The following CDH18 variants were observed in gnomAD, a reference collection of about 807,000 sequenced individuals.
CDH18 encodes cadherin 18.
Under a neutral mutation model 67.9 loss-of-function variants are expected in CDH18, and 31 were observed. The observed-to-expected ratio is 0.46, with a 90% CI of 0.34 to 0.62. The LOEUF (loss-of-function observed/expected upper bound fraction) is 0.62, where lower values mean the gene tolerates loss of function less well. Among genes scored for constraint, CDH18 ranks in the 20% least tolerant of loss-of-function variants. The pLI is 0.01. For synonymous variants in CDH18, 362 were observed against 347.2 expected (o/e 1.04, Z -0.48); for missense variants, 890 against 975.5 (o/e 0.91, Z 1.17).
chr5:20,305,305 A>T, intron 1 of CDH18: 6 of 1,553,548 alleles, frequency 3.9e-6, no homozygotes, highest in South Asian at 1.1e-5. Context: ...GTCAGATTCG[A>T]ATCCAACATT....
intron 4 of CDH18, among the ~76,000 whole-genome samples, chr5:19,724,114 G>C (rs551525892): frequency 9.2e-5 from 14 of 152,246 alleles, no homozygotes; most frequent in Admixed American, 3.3e-4. Context: ...AAACCATCCT[G>C]ATGTCCTTCA....
chr5:19,965,577 G>T (rs1048473651), intron 2 of CDH18, among the ~76,000 whole-genome samples: 1 of 152,260 alleles, frequency 6.6e-6, no homozygotes, highest in East Asian at 1.9e-4. Context: ...TATTAAAGTT[G>T]AATCAGTGTG....
At chr5:19,690,058 GT>G (rs1329056469) in intron 5 of CDH18, among the ~76,000 whole-genome samples, 1 of 148,448 alleles carries the variant, frequency 6.7e-6, no homozygotes, top group African/African-American at 2.4e-5. Flanking sequence ...ATATATATGT[GT>G]GTATATATTA....
intron 5 of CDH18, among the ~76,000 whole-genome samples, chr5:19,650,386 T>C (rs1302651620): frequency 6.6e-6 from 1 of 152,110 alleles, no homozygotes; most frequent in Admixed American, 6.6e-5. Context: ...CTAATAATTT[T>C]GGTCAAAACA....
chr5:19,952,068 A>G (rs1401476973), intron 2 of CDH18, among the ~76,000 whole-genome samples: 1 of 152,074 alleles, frequency 6.6e-6, no homozygotes, highest in African/African-American at 2.4e-5. Context: ...TTTATTTTTA[A>G]GACAGAGTCT....
chr5:19,609,772 G>A (rs1389865642), intron 6 of CDH18, among the ~76,000 whole-genome samples: 1 of 151,976 alleles, frequency 6.6e-6, no homozygotes, highest in Admixed American at 6.6e-5. Flanking sequence ...AAGTAGAAAG[G>A]GCAACTGTAA....
At position 20,499,691 on chromosome 5, in the gene CDH18, G is replaced by C. The variant is rs142840401; in HGVS notation, c.-580+75771C>G. On this transcript the variant is annotated intron_variant, in intron 1 of 14. Transcript: ENST00000507958. ...TAAACTTAGCTTTGCCTTATCAACA[G>C]GTTTTCTAGTGGGTTTCCAGACATC... 2.6e-5 allele frequency among the ~76,000 whole-genome samples: 4 copies of C among 152,170 alleles called. No individual in the cohort carries two copies. The East Asian group carries it at 7.7e-4, about 29-fold the overall frequency.
At chr5:20,544,079 CAA>C (rs1389489523) in intron 1 of CDH18, among the ~76,000 whole-genome samples, 1 of 152,132 alleles carries the variant, frequency 6.6e-6, no homozygotes, top group Non-Finnish European at 1.5e-5. Flanking sequence ...TAACTGTGTG[CAA>C]AACTTTTCAG....
rs141113923 is a variant in CDH18, at chr5:19,506,218, T to C, written c.1513-3109A>G. On this transcript the variant is annotated intron_variant, in intron 10 of 12. Coordinates refer to ENST00000382275, the MANE Select transcript of CDH18 (RefSeq NM_004934.5). ...ACTTACAAGGGACATGAAAGACGTC[T>C]TAAAGGAGAACTACAAACCACTGCT... 2.7e-3 allele frequency among the ~76,000 whole-genome samples: 408 copies of C among 152,242 alleles called. 1 individual carries two copies. The highest frequency in any genetic ancestry group is 9.4e-3 in the African/African-American group (391 of 41,548).
chr5:19,591,211 T>A lies in CDH18; in HGVS notation c.845A>T (p.Gln282Leu), dbSNP rs1453829255. The change falls in exon 7 of 13, where the codon CAA becomes CTA. Residue 282 changes from glutamine to leucine, a missense_variant. Transcript: ENST00000382275. ...GATTTTCCCAACAGCTGAACCAACT[T>A]GAGCTGACTCAGGAACATATAGCTG... ...HYQLYVPESAQVGSAVGKIKA... is the reference protein window; with the variant it reads ...HYQLYVPESALVGSAVGKIKA... 1 of 1,612,212 alleles carries A rather than the reference T, an allele frequency of 6.2e-7. No homozygotes were observed. The highest frequency in any genetic ancestry group is 1.7e-5 in the Admixed American group (1 of 59,704).
At chr5:19,626,067 G>T (rs1228256398) in intron 5 of CDH18, among the ~76,000 whole-genome samples, 2 of 152,070 alleles carry the variant, frequency 1.3e-5, no homozygotes, top group African/African-American at 4.8e-5. Flanking sequence ...ACTTTAACTT[G>T]ATGATTTCTG....
chr5:19,863,079 A>G (rs926201474), intron 2 of CDH18, among the ~76,000 whole-genome samples: 2 of 152,120 alleles, frequency 1.3e-5, no homozygotes, highest in African/African-American at 4.8e-5. Context: ...GACTAATTTG[A>G]ATAAATTTAG....
rs556307971 is a variant in CDH18, at chr5:20,466,687, G to A, written c.-580+108775C>T. On this transcript the variant is annotated intron_variant, in intron 1 of 14. Transcript: ENST00000507958. Reference sequence around the variant, plus strand: ...TTATTTTCACTGCAAGGAGTGTTGCGTCATCAGAGACTCTAATCTTAATAT... The same window carrying A: ...TTATTTTCACTGCAAGGAGTGTTGCATCATCAGAGACTCTAATCTTAATAT... 2.4e-4 allele frequency among the ~76,000 whole-genome samples: 36 copies of A among 152,024 alleles called. No individual in the cohort carries two copies. The East Asian group carries it at 2.5e-3, about 11-fold the overall frequency.
At chr5:20,397,645 C>A (rs1315563263) in intron 1 of CDH18, among the ~76,000 whole-genome samples, 1 of 152,026 alleles carries the variant, frequency 6.6e-6, no homozygotes, top group Non-Finnish European at 1.5e-5. Flanking sequence ...AAAGATAATA[C>A]AAAGCCACAT....
At chr5:19,741,339 C>CAA (rs1422715974) in intron 4 of CDH18, among the ~76,000 whole-genome samples, 1 of 145,036 alleles carries the variant, frequency 6.9e-6, no homozygotes, top group African/African-American at 2.6e-5. Flanking sequence ...CTCACACACA[C>CAA]ACACACACAC....
At chr5:20,363,117 C>A (rs1344746782) in intron 1 of CDH18, among the ~76,000 whole-genome samples, 1 of 152,154 alleles carries the variant, frequency 6.6e-6, no homozygotes, top group Non-Finnish European at 1.5e-5. Flanking sequence ...TCTATGTCAA[C>A]AAATTCAACT....
At chr5:20,278,758 T>C (rs1342245937) in intron 1 of CDH18, among the ~76,000 whole-genome samples, 1 of 152,146 alleles carries the variant, frequency 6.6e-6, no homozygotes, top group Non-Finnish European at 1.5e-5. Flanking sequence ...TTTTTATTTA[T>C]TTTCTTTTTG....
At chr5:19,606,300 A>T (rs1488028011) in intron 6 of CDH18, among the ~76,000 whole-genome samples, 1 of 152,132 alleles carries the variant, frequency 6.6e-6, no homozygotes, top group Non-Finnish European at 1.5e-5. Context: ...CAAAGTCATG[A>T]TTAAAAATGA....
chr5:20,444,287 C>G (rs1180475726), intron 1 of CDH18, among the ~76,000 whole-genome samples: 2 of 152,188 alleles, frequency 1.3e-5, no homozygotes, highest in Non-Finnish European at 2.9e-5. Context: ...ATTACTTTAG[C>G]TGTTTAAACT....
Sources: allele counts gnomAD v4.1 joint callset (sites outside exome capture counted in the v4.1 genomes callset), GRCh38; gene constraint gnomAD v4.1.1; transcripts MANE v1.5; gene names NCBI Gene and HGNC (gene_info 2026-07-23, HGNC 2026-07-21).